Variants in PPP1R37 observed in about 807,000 individuals in gnomAD.
PPP1R37 encodes protein phosphatase 1 regulatory subunit 37.
Under a neutral mutation model 61.0 loss-of-function variants are expected in PPP1R37, and 21 were observed. The ratio of observed to expected loss-of-function variants is 0.34; its 90% CI spans 0.24 to 0.50. The LOEUF is 0.50. Ranked by LOEUF, PPP1R37 falls within the 20% of genes least tolerant of loss-of-function variation. The pLI, the probability that PPP1R37 is intolerant of heterozygous loss-of-function variation, is 0.98. For synonymous variants in PPP1R37, 443 were observed against 433.5 expected (o/e 1.02, Z -0.27); for missense variants, 910 against 952.7 (o/e 0.96, Z 0.59).
At chr19:45,094,755 G>T (rs1967970773) in intron 1 of PPP1R37, among the ~76,000 whole-genome samples, 1 of 152,080 alleles carries the variant, frequency 6.6e-6, no homozygotes, top group Non-Finnish European at 1.5e-5. Flanking sequence ...AGAATTGGGG[G>T]ATGTTATCAA....
At position 45,119,062 on chromosome 19, in the gene PPP1R37, C is replaced by T. The variant is rs150567157; in HGVS notation, c.203-19452C>T. The stretch of plus-strand genomic sequence containing the variant: ...TGGAGTGCAGTGGTGTGATCTCACT[C>T]ACTGCAGCTTCCACCTCCTGGGTTC... On this transcript the variant is annotated intron_variant, in intron 1 of 12. Coordinates refer to ENST00000221462, the MANE Select transcript of PPP1R37 (RefSeq NM_019121.2). 7.5e-3 allele frequency among the ~76,000 whole-genome samples: 1,146 copies of T among 152,026 alleles called. 9 individuals carry two copies. Among genetic ancestry groups the T allele is most frequent in the Non-Finnish European group, 0.012 (805 of 67,948 alleles).
chr19:45,122,382 C>T (rs1014841005), intron 1 of PPP1R37, among the ~76,000 whole-genome samples: 1 of 152,182 alleles, frequency 6.6e-6, no homozygotes, highest in African/African-American at 2.4e-5. Flanking sequence ...CACCCCAGCC[C>T]CACCTTCCTG....
chr19:45,132,504 G>T (rs114056865), intron 1 of PPP1R37, among the ~76,000 whole-genome samples: 1,714 of 152,158 alleles, frequency 0.011, 38 homozygotes, highest in African/African-American at 0.039. Context: ...GTCTCACTTT[G>T]TTGCTCGGCT....
chr19:45,142,027 C>T, intron 5 of PPP1R37, 34 bp from the exon 6 acceptor site: 7 of 1,471,422 alleles, frequency 4.8e-6, no homozygotes, highest in Non-Finnish European at 6.3e-6. Flanking sequence ...CAGGCCTGAG[C>T]CAGTGCCTCA....
At chr19:45,142,869 G>A (rs543930111) in intron 7 of PPP1R37, 1 of 210,344 alleles carries the variant, frequency 4.8e-6, no homozygotes, top group African/African-American at 2.3e-5. Flanking sequence ...CGGAGGCTGG[G>A]AGCAGAACCA....
At chr19:45,132,738 T>C (rs985241898) in intron 1 of PPP1R37, among the ~76,000 whole-genome samples, 17 of 152,176 alleles carry the variant, frequency 1.1e-4, no homozygotes, top group African/African-American at 4.1e-4. Flanking sequence ...CCAACTGATT[T>C]TTTAGTTTTT....
chr19:45,093,270 C>G lies in PPP1R37; in HGVS notation c.-56C>G, dbSNP rs1401830784. 7.6e-7 allele frequency: 1 copy of G among 1,313,162 alleles called. No individual in the cohort carries two copies. The highest frequency in any genetic ancestry group is 1.6e-5 in the African/African-American group (1 of 63,972). 81.3% of individuals were successfully genotyped at this position (1,313,162 alleles called of 1,614,324 possible). A position where few individuals can be genotyped will look rare whatever the true frequency, so the allele number is the denominator to read the frequency against. ...GGGACGGCGGGCGGACCCGGAGAGA[C>G]AAATCCGGGGCCCGGGGCATGTCCC... On this transcript the variant is annotated 5_prime_UTR_variant, in exon 1 of 13. Transcript: ENST00000221462.
chr19:45,133,584 C>T (rs1599707451), intron 1 of PPP1R37, among the ~76,000 whole-genome samples: 1 of 152,220 alleles, frequency 6.6e-6, no homozygotes, highest in South Asian at 2.1e-4. Flanking sequence ...AGCCCAGGCC[C>T]TACACCAAAG....
intron 8 of PPP1R37, 150 bp from the exon 9 acceptor site, chr19:45,144,704 A>G (rs541856049): frequency 7.7e-6 from 5 of 645,596 alleles, no homozygotes; most frequent in African/African-American, 3.8e-5. Flanking sequence ...GGCCTGCGGC[A>G]GGGCAGGACG....
At chr19:45,104,129 C>T (rs1164891902) in intron 1 of PPP1R37, among the ~76,000 whole-genome samples, 1 of 152,222 alleles carries the variant, frequency 6.6e-6, no homozygotes, top group African/African-American at 2.4e-5. Context: ...CCTGCCCTTC[C>T]TGACCAACTC....
chr19:45,130,379 C>G lies in PPP1R37; in HGVS notation c.203-8135C>G, dbSNP rs532622610. On this transcript the variant is annotated intron_variant, in intron 1 of 12. Coordinates refer to ENST00000221462, the MANE Select transcript of PPP1R37 (RefSeq NM_019121.2). The surrounding 1 kb of genome is among the most constrained non-coding windows in gnomAD (Gnocchi z 4.4). ...TGCAGAATGAGAGCGAAGTCCTCAC[C>G]AGGGTCCACGGGGTCACCGTCCCAC... Among the ~76,000 whole-genome samples, 12 of 152,310 alleles carry G rather than the reference C, an allele frequency of 7.9e-5. No individual in the cohort carries two copies. Among genetic ancestry groups the G allele is most frequent in the African/African-American group, 2.6e-4 (11 of 41,560 alleles).
chr19:45,106,209 C>T (rs1968128171), intron 1 of PPP1R37, among the ~76,000 whole-genome samples: 2 of 151,998 alleles, frequency 1.3e-5, no homozygotes. Flanking sequence ...TCCTGCTGCT[C>T]TCCTCGGCCA....
At chr19:45,143,444 G>T (rs1481926253) in intron 7 of PPP1R37, 77 bp from the exon 8 acceptor site, 16 of 822,328 alleles carry the variant, frequency 1.9e-5, no homozygotes, top group Non-Finnish European at 2.9e-5. Flanking sequence ...AGCAGAGGGG[G>T]TTGCTCCTAC....
chr19:45,099,025 G>C (rs1053833473), intron 1 of PPP1R37, among the ~76,000 whole-genome samples: 1 of 152,144 alleles, frequency 6.6e-6, no homozygotes, highest in African/African-American at 2.4e-5. Flanking sequence ...GGGTGATTGG[G>C]AGGATTAAGT....
rs755631925 is a variant in PPP1R37, at chr19:45,145,995, C to T, written c.1939C>T (p.Pro647Ser). The change falls in exon 11 of 13, where the codon CCT becomes TCT. Residue 647 changes from proline (P) to serine (S), a missense_variant. Pro to Ser is a moderately conservative substitution (Grantham distance 74). Coordinates refer to ENST00000221462, the MANE Select transcript of PPP1R37 (RefSeq NM_019121.2). ...LKPEFALALPPEPPPGPEVKG... is the reference protein window; with the variant it reads ...LKPEFALALPSEPPPGPEVKG... Reference sequence around the variant, plus strand: ...GCCCGAGTTCGCCCTGGCACTGCCCCCTGAGCCGCCCCCGGGGCCTGAGGT... The same window carrying T: ...GCCCGAGTTCGCCCTGGCACTGCCCTCTGAGCCGCCCCCGGGGCCTGAGGT... 12 of 1,533,836 alleles carry T rather than the reference C, an allele frequency of 7.8e-6. No homozygotes were observed. In the South Asian group the frequency reaches 1.3e-4, roughly 17 times the overall value.
chr19:45,113,536 C>G (rs548892101), intron 1 of PPP1R37, among the ~76,000 whole-genome samples: 1 of 152,202 alleles, frequency 6.6e-6, no homozygotes, highest in Admixed American at 6.5e-5. Context: ...CTGCCCTGCA[C>G]GATGGTAGCA....
intron 1 of PPP1R37, among the ~76,000 whole-genome samples, chr19:45,118,398 A>G (rs903120759): frequency 3.3e-5 from 5 of 152,180 alleles, no homozygotes; most frequent in Non-Finnish European, 7.4e-5. Flanking sequence ...TCTGAAGGTC[A>G]TAGTGGCTCA....
intron 1 of PPP1R37, among the ~76,000 whole-genome samples, chr19:45,099,847 A>T (rs1276929054): frequency 6.6e-6 from 1 of 152,250 alleles, no homozygotes; most frequent in Non-Finnish European, 1.5e-5. Context: ...AGTTGGTGCC[A>T]GGACGAGGAC....
rs771075740 is a variant in PPP1R37, at chr19:45,145,457, G to T, written c.1401G>T (p.Pro467=). Residue 467 remains proline (P), a synonymous_variant, in exon 11 of 13, where the codon CCG becomes CCT. Transcript: ENST00000221462. The part of the protein sequence containing the change: ...LAREREEKEQ[P]PQLSASMPET... ...GGGAGAGGGAGGAGAAGGAGCAGCC[G>T]CCACAGCTGTCGGCCTCCATGCCTG... The T allele has an allele frequency of 6.5e-7, 1 of 1,535,008 alleles. No individual in the cohort carries two copies. The highest frequency in any genetic ancestry group is 1.4e-5 in the African/African-American group (1 of 73,006).
Sources: gnomAD v4.1 joint callset for allele counts (sites outside exome capture counted in the v4.1 genomes callset) on GRCh38, gnomAD v4.1.1 for gene constraint, Gnocchi (gnomAD v3.1) non-coding constraint, MANE v1.5 for transcripts, NCBI Gene and HGNC (gene_info 2026-07-23, HGNC 2026-07-21) for gene names.